Variants in PHYKPL observed in about 807,000 individuals in gnomAD.
PHYKPL encodes the protein 5-phosphohydroxy-L-lysine phospho-lyase.
In PHYKPL, 42 loss-of-function variants were observed where a neutral mutation model predicts 51.3. That is an observed-to-expected ratio of 0.82 (90% confidence interval 0.64 to 1.06). PHYKPL has a LOEUF of 1.06. Ranked by LOEUF, PHYKPL falls within the 50% of genes least tolerant of loss-of-function variation. The probability of loss-of-function intolerance (pLI) is 0.00; values close to 1 mark genes in which losing one functional copy is unlikely to be tolerated. For synonymous variants in PHYKPL, 264 were observed against 236.0 expected (o/e 1.12, Z -1.09); for missense variants, 655 against 586.6 (o/e 1.12, Z -1.20).
Position 178,231,552 on chromosome 5 carries a change from C to T in PHYKPL, c.60-29G>A, listed in dbSNP as rs554973059. ...TGGGGACAGGCAAGGAGTGGACAGC[C>T]ATGTCTGAAGACCGAAAGGGTGAAG... On this transcript the variant is annotated intron_variant, in intron 1 of 12. Transcript: ENST00000308158. 256 of 1,614,014 alleles carry T rather than the reference C, an allele frequency of 1.6e-4. 11 individuals carry two copies. The South Asian group carries it at 2.7e-3, about 17-fold the overall frequency.
At chr5:178,215,580 G>C (rs1434906966) in intron 8 of PHYKPL, 150 bp from the exon 9 acceptor site, 44 of 903,208 alleles carry the variant, frequency 4.9e-5, no homozygotes, top group East Asian at 3.9e-4. Flanking sequence ...GTCCTCAGCA[G>C]TAGTAAGTGG....
intron 12 of PHYKPL, chr5:178,211,608 AT>A (rs1758444568): frequency 5.7e-6 from 2 of 353,646 alleles, no homozygotes; most frequent in African/African-American, 4.2e-5. Flanking sequence ...CAGGTCTGGT[AT>A]TTAGGGCATA....
intron 12 of PHYKPL, chr5:178,210,454 T>G: frequency 6.7e-7 from 1 of 1,489,692 alleles, no homozygotes; most frequent in Non-Finnish European, 9.3e-7. Flanking sequence ...CAGTCTCTGC[T>G]GTCACGGCTG....
intron 3 of PHYKPL, among the ~76,000 whole-genome samples, chr5:178,227,342 T>C (rs925807544): frequency 6.6e-6 from 1 of 152,226 alleles, no homozygotes; most frequent in Non-Finnish European, 1.5e-5. Flanking sequence ...GTCTTGGACT[T>C]CCAGCCTCCA....
Position 178,215,206 on chromosome 5 carries a change from G to C in PHYKPL, c.1082+70C>G, listed in dbSNP as rs1759515612. The C allele has an allele frequency of 3.7e-6, 6 of 1,603,654 alleles. No individual in the cohort carries two copies. In the South Asian group the frequency reaches 5.5e-5, roughly 15 times the overall value. On this transcript the variant is annotated intron_variant, in intron 9 of 12. Transcript: ENST00000308158. ...ATAACCCCACCATCCCAGGTTGTTA[G>C]GAGGTGAAGAAAATGGTACCACACT...
At chr5:178,220,953 T>C (rs1561711659) in intron 8 of PHYKPL, among the ~76,000 whole-genome samples, 1 of 152,010 alleles carries the variant, frequency 6.6e-6, no homozygotes, top group Admixed American at 6.5e-5. Flanking sequence ...CTAAATAATA[T>C]GGGATTGAGA....
upstream of PHYKPL, chr5:178,232,816 G>T (rs1213303453): frequency 1.6e-5 from 5 of 305,846 alleles, no homozygotes; most frequent in African/African-American, 6.6e-5. Context: ...GTTCCGGGAC[G>T]CGCCCCGGGC....
At chr5:178,231,595 C>T (rs944275171) in intron 1 of PHYKPL, 72 bp from the exon 2 acceptor site, 3 of 1,609,032 alleles carry the variant, frequency 1.9e-6, no homozygotes, top group Non-Finnish European at 2.5e-6. Context: ...ATCGCAGACC[C>T]CCGCCCACCC....
chr5:178,222,246 T>G, intron 8 of PHYKPL, 109 bp downstream of exon 8: 2 of 925,648 alleles, frequency 2.2e-6, no homozygotes, highest in Non-Finnish European at 3.2e-6. Context: ...CTTGGAAGCG[T>G]GTGCTGGGCA....
chr5:178,209,418 G>C (rs764048691), intron 12 of PHYKPL: 18 of 1,614,150 alleles, frequency 1.1e-5, no homozygotes, highest in Non-Finnish European at 1.5e-5. Context: ...CGAGGGAACC[G>C]AGGCAGCGGA....
At chr5:178,210,295 C>T in intron 12 of PHYKPL, 1 of 1,613,984 alleles carries the variant, frequency 6.2e-7, no homozygotes, top group Non-Finnish European at 8.5e-7. Flanking sequence ...GAGGGAGGCC[C>T]CATCCGCTCA....
chr5:178,210,219 G>A (rs1757786903), intron 12 of PHYKPL: 13 of 1,612,824 alleles, frequency 8.1e-6, no homozygotes, highest in Admixed American at 1.7e-5. Flanking sequence ...GGCTATGGCG[G>A]CTACGACTAC....
At position 178,224,710 on chromosome 5, in the gene PHYKPL, T is replaced by C. The variant is rs772422598; in HGVS notation, c.433A>G (p.Ser145Gly). Residue 145 changes from serine to glycine, a missense_variant, in exon 5 of 13, where the codon AGC becomes GGC. Coordinates refer to ENST00000308158, the MANE Select transcript of PHYKPL (RefSeq NM_153373.4). ...TAGGGACTGATGTCAATCAGGGAGC[T>C]CAGGTGGCCGTGATACGCACTGGGG... ...VLDHAYHGHL[S>G]SLIDISPYKF... is the part of the protein sequence containing the mutation. 1.2e-6 allele frequency: 2 copies of C among 1,613,852 alleles called. No homozygotes were observed.
At chr5:178,222,183 G>A (rs1211287140) in intron 8 of PHYKPL, among the ~76,000 whole-genome samples, 172 bp downstream of exon 8, 3 of 152,220 alleles carry the variant, frequency 2.0e-5, no homozygotes, top group African/African-American at 7.2e-5. Context: ...AATTTTAAAA[G>A]ATGTTTTATG....
chr5:178,215,188 C>T, intron 9 of PHYKPL, 88 bp downstream of exon 9: 1 of 1,590,784 alleles, frequency 6.3e-7, no homozygotes, highest in Non-Finnish European at 8.6e-7. Flanking sequence ...GACATAACCC[C>T]ACCATCCCAG....
intron 8 of PHYKPL, 158 bp from the exon 9 acceptor site, chr5:178,215,588 T>C: frequency 1.2e-6 from 1 of 856,188 alleles, no homozygotes. Context: ...CAGTAGTAAG[T>C]GGGGTTCAAC....
rs970469877 is a variant in PHYKPL at position 178,218,341 on chromosome 5, C to T, written c.928-2911G>A. ...GAAAGGGGCAGAACAAATATGAAAA[C>T]GTTAAAAACCCTATGTAACTTGCAG... is the stretch of plus-strand genomic sequence containing the variant. On this transcript the variant is annotated intron_variant, in intron 8 of 12. Transcript: ENST00000308158. 2.0e-5 allele frequency among the ~76,000 whole-genome samples: 3 copies of T among 151,374 alleles called. No homozygotes were observed. In the South Asian group the frequency reaches 6.3e-4, roughly 32 times the overall value.
Position 178,222,331 on chromosome 5 carries a change from CCTTGA to C in PHYKPL, c.927+19_927+23del. 6.3e-7 allele frequency: 1 copy of C among 1,592,870 alleles called. No individual in the cohort carries two copies. The highest frequency in any genetic ancestry group is 8.6e-7 in the Non-Finnish European group (1 of 1,165,814). On this transcript the variant is annotated intron_variant, in intron 8 of 12. Coordinates refer to ENST00000308158, the MANE Select transcript of PHYKPL (RefSeq NM_153373.4). ...GGGCCTATCAGAACCCATGTTGCTC[CCTTGA>C]CTTAGAGCCATCACTCACCGTGTTG...
intron 11 of PHYKPL, 77 bp from the exon 12 acceptor site, chr5:178,212,047 A>G: frequency 6.6e-7 from 1 of 1,508,868 alleles, no homozygotes; most frequent in South Asian, 1.1e-5. Flanking sequence ...CAGTGTCCAA[A>G]CTGGAGGACA....
Sources: gnomAD v4.1 joint callset for allele counts (sites outside exome capture counted in the v4.1 genomes callset) on GRCh38, gnomAD v4.1.1 for gene constraint, MANE v1.5 for transcripts, NCBI Gene and HGNC (gene_info 2026-07-23, HGNC 2026-07-21) for gene names.